BLM: variants seen among roughly 807,000 people sequenced by gnomAD.
BLM encodes the protein BLM RecQ like helicase, also known as recQ-like DNA helicase BLM.
A neutral mutation model predicts 135.3 loss-of-function variants in BLM; 95 were observed. The observed-to-expected ratio is 0.70, with a 90% CI of 0.59 to 0.83. BLM has a LOEUF of 0.83. Ranked by LOEUF, BLM falls within the 40% of genes least tolerant of loss-of-function variation. BLM has a pLI of 0.00. For missense variants in BLM, 1,518 were observed against 1,663.9 expected, an observed-to-expected ratio of 0.91 and a Z score of 1.53; for synonymous variants, 520 against 589.2, an observed-to-expected ratio of 0.88 and a Z score of 1.70.
intron 17 of BLM, among the ~76,000 whole-genome samples, chr15:90,798,609 A>G (rs921428233): frequency 1.3e-5 from 2 of 151,466 alleles, no homozygotes; most frequent in African/African-American, 4.8e-5. Flanking sequence ...TTAAAATGTC[A>G]GTAAGGAAAT....
At chr15:90,736,688 G>A (rs1048889856) in intron 1 of BLM, among the ~76,000 whole-genome samples, 1 of 152,202 alleles carries the variant, frequency 6.6e-6, no homozygotes, top group Non-Finnish European at 1.5e-5. Flanking sequence ...TCTACACAAT[G>A]GAGTACTGTA....
At position 90,803,695 on chromosome 15, in the gene BLM, A is replaced by C. The variant is rs1897220395; in HGVS notation, c.3533A>C (p.Gln1178Pro). The change falls in exon 18 of 22, where the codon CAA (glutamine) becomes CCA (proline). Residue 1178 changes from glutamine to proline, a missense_variant. Transcript: ENST00000355112. ...IAYVMLGNKA[Q>P]TVLNGNLKVD... ...TATGTGATGCTCGGAAATAAAGCCC[A>C]AACTGTACTAAATGGCAATTTAAAG... 1 of 1,614,178 alleles carries C rather than the reference A, an allele frequency of 6.2e-7. No homozygotes were observed. The highest frequency in any genetic ancestry group is 8.5e-7 in the Non-Finnish European group (1 of 1,180,024).
chr15:90,773,285 T>C (rs1009373563), intron 12 of BLM, among the ~76,000 whole-genome samples: 20 of 150,890 alleles, frequency 1.3e-4, no homozygotes, highest in African/African-American at 4.9e-4. Context: ...CCAGGTGTGG[T>C]GGTGGGCGCC....
In BLM at chr15:90,760,631, G is replaced by A; in HGVS notation, c.1258G>A (p.Asp420Asn). 6.2e-7 allele frequency: 1 copy of A among 1,612,310 alleles called. No homozygotes were observed. The highest frequency in any genetic ancestry group is 1.1e-5 in the South Asian group (1 of 90,906). The change falls in exon 7 of 22, where the codon GAT becomes AAT. Residue 420 changes from aspartate (D) to asparagine (N), a missense_variant. Asp to Asn is a conservative substitution (Grantham distance 23, BLOSUM62 1). Coordinates refer to ENST00000355112, the MANE Select transcript of BLM (RefSeq NM_000057.4). ...AACGGAAGTAGATTTTAATAAAAGT[G>A]ATGCCAGTCTTCTTGGCTCATTGTG... ...LLTEVDFNKS[D>N]ASLLGSLWRY... is the part of the protein sequence containing the mutation.
At chr15:90,760,396 C>G (rs1895941434) in intron 6 of BLM, 117 bp downstream of exon 6, 1 of 1,386,144 alleles carries the variant, frequency 7.2e-7, no homozygotes. Context: ...TAAGGATGAT[C>G]ATCATGCCAC....
chr15:90,805,364 G>A (rs567176482), intron 19 of BLM, among the ~76,000 whole-genome samples: 2 of 152,060 alleles, frequency 1.3e-5, no homozygotes, highest in South Asian at 2.1e-4. Context: ...CCAGCTACTC[G>A]GGAGGTTGAG....
chr15:90,758,253 C>G (rs1163105730), intron 5 of BLM, among the ~76,000 whole-genome samples: 1 of 151,922 alleles, frequency 6.6e-6, no homozygotes, highest in African/African-American at 2.4e-5. Context: ...TTTGGGAGAC[C>G]GAGGTGAGTG....
At position 90,803,518 on chromosome 15, in the gene BLM, C is replaced by G. The variant is rs765552044; in HGVS notation, c.3359-3C>G. The G allele has an allele frequency of 6.2e-6, 10 of 1,610,902 alleles. No homozygotes were observed. In the South Asian group the frequency reaches 9.9e-5, roughly 16 times the overall value. ...CATCTTACTTCCTGTATCTTCTTAT[C>G]AGGGAGTAAGAGTGCAAAAATCCAG... On this transcript the variant is annotated splice_region_variant and splice_polypyrimidine_tract_variant and intron_variant, in intron 17 of 21. Coordinates refer to ENST00000355112, the MANE Select transcript of BLM (RefSeq NM_000057.4).
At chr15:90,784,149 C>T (rs1555422450) in intron 13 of BLM, among the ~76,000 whole-genome samples, 1 of 151,900 alleles carries the variant, frequency 6.6e-6, no homozygotes, top group Non-Finnish European at 1.5e-5. Context: ...ATTTGTTTCC[C>T]TAATGTTGCT....
At position 90,737,365 on chromosome 15, in the gene BLM, A is replaced by G. The variant is rs985902493; in HGVS notation, c.-4-10024A>G. 1.3e-5 allele frequency among the ~76,000 whole-genome samples: 2 copies of G among 152,340 alleles called. 1 individual carries two copies. The highest frequency in any genetic ancestry group is 3.9e-4 in the East Asian group (2 of 5,186). ...TTTATATTTCCTAGATCTGTCTACT[A>G]AAAGGGCCTAGGAGCAATGATATGC... On this transcript the variant is annotated intron_variant, in intron 1 of 21. Transcript: ENST00000355112.
chr15:90,787,071 C>T (rs553755683), intron 14 of BLM, among the ~76,000 whole-genome samples: 63 of 73,076 alleles, frequency 8.6e-4, no homozygotes, highest in Non-Finnish European at 1.4e-3. Context: ...TTTTTTGAGA[C>T]GGGAGTCTCA....
intron 9 of BLM, among the ~76,000 whole-genome samples, chr15:90,766,358 C>T (rs1330634751): frequency 2.0e-5 from 3 of 151,980 alleles, no homozygotes; most frequent in African/African-American, 7.3e-5. Flanking sequence ...ATCTTATTTA[C>T]AAAGATGAAA....
intron 1 of BLM, among the ~76,000 whole-genome samples, chr15:90,730,701 C>T (rs1409297682): frequency 1.3e-5 from 2 of 152,146 alleles, no homozygotes; most frequent in Non-Finnish European, 2.9e-5. Context: ...CCGTCTCAGC[C>T]TCCCAAAGTG....
intron 7 of BLM, among the ~76,000 whole-genome samples, chr15:90,762,163 G>A (rs1269678461): frequency 1.3e-5 from 2 of 152,190 alleles, no homozygotes; most frequent in Non-Finnish European, 2.9e-5. Context: ...GTTGGGGTTA[G>A]CGTAACTGCC....
chr15:90,732,144 A>T (rs1457729410), intron 1 of BLM, among the ~76,000 whole-genome samples: 1 of 151,710 alleles, frequency 6.6e-6, no homozygotes, highest in Admixed American at 6.6e-5. Context: ...TCCATTATTC[A>T]GTTTAAAGTA....
intron 21 of BLM, among the ~76,000 whole-genome samples, chr15:90,814,232 C>G (rs1411457439): frequency 6.6e-6 from 1 of 152,140 alleles, no homozygotes; most frequent in Non-Finnish European, 1.5e-5. Context: ...GCCCTGGTGC[C>G]GTGGAATTAG....
At chr15:90,771,676 A>AACAGTCCT (rs965647100) in intron 12 of BLM, among the ~76,000 whole-genome samples, 2 of 151,132 alleles carry the variant, frequency 1.3e-5, no homozygotes, top group African/African-American at 4.9e-5. Context: ...CCTGGGCTTA[A>AACAGTCCT]ACAGTCCTCC....
At chr15:90,775,889 C>G (rs879537360) in intron 12 of BLM, among the ~76,000 whole-genome samples, 2 of 152,038 alleles carry the variant, frequency 1.3e-5, no homozygotes, top group Non-Finnish European at 2.9e-5. Flanking sequence ...GATGAGGTCT[C>G]GTTATATTGT....
At position 90,760,688 on chromosome 15, in the gene BLM, AT is replaced by A. The variant is rs1555419829; in HGVS notation, c.1316del (p.Met439ArgfsTer12). 6.2e-7 allele frequency: 1 copy of A among 1,614,088 alleles called. No homozygotes were observed. The highest frequency in any genetic ancestry group is 8.5e-7 in the Non-Finnish European group (1 of 1,179,938). On this transcript the variant is annotated frameshift_variant, in exon 7 of 22. Transcript: ENST00000355112. LOFTEE classifies it high-confidence loss of function. ...CAGGCCTGATTCACTTGATGGCCCT[AT>A]GGAGGGTGATTCCTGCCCTACAGGG... The part of the protein sequence containing the change: ...RYRPDSLDGP[M>X]EGDSCPTGNS...
Sources: gnomAD v4.1 joint callset for allele counts (sites outside exome capture counted in the v4.1 genomes callset) on GRCh38, gnomAD v4.1.1 for gene constraint, MANE v1.5 for transcripts, NCBI Gene and HGNC (gene_info 2026-07-23, HGNC 2026-07-21) for gene names.